The following NKAIN2 variants were observed in gnomAD, a reference collection of about 807,000 sequenced individuals.
NKAIN2 encodes the protein sodium/potassium-transporting ATPase subunit beta-1-interacting protein 2.
Under a neutral mutation model 32.6 loss-of-function variants are expected in NKAIN2, and 14 were observed. The observed-to-expected ratio is 0.43, with a 90% CI of 0.28 to 0.67. The LOEUF (loss-of-function observed/expected upper bound fraction) is 0.67. Among genes scored for constraint, NKAIN2 ranks in the 30% least tolerant of loss-of-function variants. The pLI is 0.17. For missense variants in NKAIN2, 198 were observed against 258.3 expected (o/e 0.77, Z 1.60); for synonymous variants, 80 against 87.2 (o/e 0.92, Z 0.46).
intron 1 of NKAIN2, among the ~76,000 whole-genome samples, chr6:124,187,192 TATG>T (rs1789788428): frequency 6.6e-6 from 1 of 152,208 alleles, no homozygotes; most frequent in South Asian, 2.1e-4. Flanking sequence ...TACCTAATGC[TATG>T]ATAATGCTCA....
chr6:124,421,362 G>A (rs1299770406), intron 3 of NKAIN2, among the ~76,000 whole-genome samples: 1 of 152,150 alleles, frequency 6.6e-6, no homozygotes, highest in Non-Finnish European at 1.5e-5. Flanking sequence ...TAAGGAATTA[G>A]TAGTGATTAC....
chr6:124,756,850 A>C (rs751111588), intron 4 of NKAIN2, among the ~76,000 whole-genome samples: 2 of 152,124 alleles, frequency 1.3e-5, no homozygotes, highest in African/African-American at 2.4e-5. Context: ...TATATCATAG[A>C]AGCATTTTAT....
chr6:124,616,527 C>G (rs1362602768), intron 3 of NKAIN2, among the ~76,000 whole-genome samples: 1 of 119,792 alleles, frequency 8.3e-6, no homozygotes, highest in Non-Finnish European at 1.6e-5. Context: ...TGCAGTGGTG[C>G]GATCTCGGCT....
At chr6:124,641,206 C>G (rs570140587) in intron 3 of NKAIN2, among the ~76,000 whole-genome samples, 4 of 152,172 alleles carry the variant, frequency 2.6e-5, no homozygotes, top group African/African-American at 9.6e-5. Flanking sequence ...TTAATTCAAA[C>G]GAAGAGAGAT....
At chr6:124,141,771 G>A (rs1370421473) in intron 1 of NKAIN2, among the ~76,000 whole-genome samples, 1 of 152,012 alleles carries the variant, frequency 6.6e-6, no homozygotes, top group East Asian at 1.9e-4. Flanking sequence ...ATTTACTGCT[G>A]AGGTGCACAT....
intron 3 of NKAIN2, among the ~76,000 whole-genome samples, chr6:124,381,388 TAA>T (rs1772627632): frequency 1.3e-5 from 2 of 152,174 alleles, no homozygotes; most frequent in Non-Finnish European, 1.5e-5. Flanking sequence ...CAGTAATATT[TAA>T]GAGTGTAAAC....
intron 1 of NKAIN2, among the ~76,000 whole-genome samples, chr6:123,869,529 C>T (rs1772759048): frequency 6.6e-6 from 1 of 152,154 alleles, no homozygotes; most frequent in Admixed American, 6.5e-5. Context: ...AATAAGAACA[C>T]CATGATTCGC....
intron 3 of NKAIN2, among the ~76,000 whole-genome samples, chr6:124,527,678 A>T (rs1227211970): frequency 1.3e-5 from 2 of 152,208 alleles, no homozygotes; most frequent in Admixed American, 1.3e-4. Flanking sequence ...AGTAAGCAAC[A>T]TGATAAAGCA....
At chr6:124,454,372 A>G (rs898620012) in intron 3 of NKAIN2, among the ~76,000 whole-genome samples, 3 of 152,090 alleles carry the variant, frequency 2.0e-5, no homozygotes, top group African/African-American at 7.2e-5. Context: ...GTAAATTGGC[A>G]TATACAGTGT....
At chr6:124,776,359 G>A (rs1167400578) in intron 4 of NKAIN2, among the ~76,000 whole-genome samples, 1 of 152,054 alleles carries the variant, frequency 6.6e-6, no homozygotes, top group Non-Finnish European at 1.5e-5. Context: ...AGAAATTCTA[G>A]ACTAGAATTT....
intron 3 of NKAIN2, among the ~76,000 whole-genome samples, chr6:124,553,305 A>AT (rs928319066): frequency 6.6e-6 from 1 of 152,054 alleles, no homozygotes; most frequent in Admixed American, 6.6e-5. Context: ...CAGGATTTTT[A>AT]TTTTTTGGTT....
intron 4 of NKAIN2, among the ~76,000 whole-genome samples, chr6:124,718,065 T>TA (rs1378712997): frequency 1.3e-5 from 2 of 152,204 alleles, no homozygotes; most frequent in South Asian, 2.1e-4. Context: ...GTCTTTTTTT[T>TA]AACATCTTAC....
intron 3 of NKAIN2, among the ~76,000 whole-genome samples, chr6:124,487,041 C>T (rs1182384946): frequency 2.0e-5 from 3 of 152,078 alleles, no homozygotes; most frequent in African/African-American, 7.2e-5. Context: ...AGGTGTCTCA[C>T]CCTAACCTGG....
intron 1 of NKAIN2, among the ~76,000 whole-genome samples, chr6:124,040,756 C>A (rs1353293734): frequency 6.6e-6 from 1 of 151,860 alleles, no homozygotes; most frequent in Non-Finnish European, 1.5e-5. Flanking sequence ...AGCTGTGTTA[C>A]CACGAACAAG....
intron 3 of NKAIN2, among the ~76,000 whole-genome samples, chr6:124,363,843 C>T (rs1361713656): frequency 1.3e-5 from 2 of 152,008 alleles, no homozygotes; most frequent in Non-Finnish European, 2.9e-5. Context: ...TGCATGACAT[C>T]AGGCAATTGA....
chr6:124,715,898 C>A (rs1221566337), intron 4 of NKAIN2, among the ~76,000 whole-genome samples: 1 of 152,182 alleles, frequency 6.6e-6, no homozygotes, highest in African/African-American at 2.4e-5. Context: ...ATAGAGGAGG[C>A]ACAGGTGAAA....
rs554940199 is a variant in NKAIN2 at position 124,600,622 on chromosome 6, G to A, written c.274-57564G>A. Among the ~76,000 whole-genome samples the A allele has an allele frequency of 1.1e-3, 168 of 151,860 alleles. 4 individuals carry two copies. In the South Asian group the frequency reaches 0.034, roughly 31 times the overall value. On this transcript the variant is annotated intron_variant, in intron 3 of 6. Coordinates refer to ENST00000368417, the MANE Select transcript of NKAIN2 (RefSeq NM_001040214.3). Reference sequence around the variant, plus strand: ...GGGTAGCAGCAAAGAGAATCCAAAGGGTTAAATTTCTCTAACATATATTTG... The same window carrying A: ...GGGTAGCAGCAAAGAGAATCCAAAGAGTTAAATTTCTCTAACATATATTTG...
intron 1 of NKAIN2, among the ~76,000 whole-genome samples, chr6:124,172,082 G>T (rs1231969926): frequency 2.0e-5 from 3 of 152,206 alleles, no homozygotes; most frequent in Admixed American, 6.5e-5. Context: ...AAAGTGCTGG[G>T]ATTACAGGCG....
intron 4 of NKAIN2, among the ~76,000 whole-genome samples, chr6:124,659,260 T>C (rs1351585437): frequency 6.6e-6 from 1 of 152,196 alleles, no homozygotes; most frequent in Admixed American, 6.5e-5. Context: ...GTATTAAAAT[T>C]GTTAGCAACA....
Sources: allele counts gnomAD v4.1 joint callset (sites outside exome capture counted in the v4.1 genomes callset), GRCh38; gene constraint gnomAD v4.1.1; transcripts MANE v1.5; gene names NCBI Gene and HGNC (gene_info 2026-07-23, HGNC 2026-07-21).